The following NAALADL2 variants were observed in gnomAD, a reference collection of about 807,000 sequenced individuals.
NAALADL2 encodes N-acetylated alpha-linked acidic dipeptidase like 2, also known as inactive N-acetylated-alpha-linked acidic dipeptidase-like protein 2.
A neutral mutation model predicts 87.2 loss-of-function variants in NAALADL2; 76 were observed. That is an observed-to-expected ratio of 0.87 (90% CI 0.72 to 1.05). The LOEUF (loss-of-function observed/expected upper bound fraction) is 1.05, where lower values mean the gene tolerates loss of function less well. Among genes scored for constraint, NAALADL2 ranks in the 50% least tolerant of loss-of-function variants. The probability of loss-of-function intolerance (pLI) is 0.00; values close to 1 mark genes in which losing one functional copy is unlikely to be tolerated. For missense variants in NAALADL2, 1,089 were observed against 945.8 expected (o/e 1.15, Z -1.99); for synonymous variants, 354 against 331.0 (o/e 1.07, Z -0.75).
At chr3:175,315,221 G>A (rs866606039) in intron 4 of NAALADL2, among the ~76,000 whole-genome samples, 1 of 152,058 alleles carries the variant, frequency 6.6e-6, no homozygotes, top group Admixed American at 6.6e-5. Flanking sequence ...CCTGTATCAG[G>A]CACCTACCTT....
chr3:174,796,117 C>T (rs1241185566), intron 3 of NAALADL2, among the ~76,000 whole-genome samples: 15 of 151,932 alleles, frequency 9.9e-5, no homozygotes, highest in East Asian at 5.8e-4. Context: ...GAGACAGATA[C>T]GAGAGATGCC....
intron 2 of NAALADL2, among the ~76,000 whole-genome samples, chr3:174,697,855 G>C (rs1677353786): frequency 6.6e-6 from 1 of 152,112 alleles, no homozygotes. Context: ...ACTTTGGGAG[G>C]CCGAGGTGGG....
rs202022603 is a variant in NAALADL2, at chr3:175,338,622, AACACACACACACACACACAC to A, written c.1090+14319_1090+14338del. On this transcript the variant is annotated intron_variant, in intron 5 of 13. Transcript: ENST00000454872. ...AAAAAAAAAAAAAAAAAACACCACA[AACACACACACACACACACAC>A]ACACACACACACACACACACAAACA... Among the ~76,000 whole-genome samples, 773 of 88,452 alleles carry A rather than the reference AACACACACACACACACACAC, an allele frequency of 8.7e-3. 5 individuals carry two copies. Among genetic ancestry groups the A allele is most frequent in the African/African-American group, 0.032 (735 of 23,206 alleles). The allele number at this position is 88,452 out of a possible 152,430, so 58.0% of individuals were successfully genotyped here.
intron 13 of NAALADL2, among the ~76,000 whole-genome samples, chr3:175,761,000 G>A (rs1747934516): frequency 6.6e-6 from 1 of 152,134 alleles, no homozygotes. Flanking sequence ...TCTTGCAGTA[G>A]TGTGTTGGTA....
At chr3:175,716,306 A>G (rs914099665) in intron 11 of NAALADL2, among the ~76,000 whole-genome samples, 1 of 146,732 alleles carries the variant, frequency 6.8e-6, no homozygotes, top group Non-Finnish European at 1.5e-5. Context: ...TATAAGATAT[A>G]TTACATATAT....
At chr3:175,667,187 GAAA>G (rs1733166542) in intron 11 of NAALADL2, among the ~76,000 whole-genome samples, 1 of 69,566 alleles carries the variant, frequency 1.4e-5, no homozygotes, top group Non-Finnish European at 2.6e-5. Flanking sequence ...GAAAGAGAAA[GAAA>G]GAAAGAAAGA....
intron 1 of NAALADL2, among the ~76,000 whole-genome samples, chr3:174,978,127 T>G (rs1579827932): frequency 6.6e-6 from 1 of 152,196 alleles, no homozygotes; most frequent in African/African-American, 2.4e-5. Context: ...CACTGGCAGG[T>G]GGGGAGTCAA....
At chr3:174,704,382 C>T (rs1238526962) in intron 2 of NAALADL2, among the ~76,000 whole-genome samples, 1 of 152,026 alleles carries the variant, frequency 6.6e-6, no homozygotes, top group Non-Finnish European at 1.5e-5. Flanking sequence ...CAAATGTTCA[C>T]TCGAAGAAAG....
intron 10 of NAALADL2, among the ~76,000 whole-genome samples, chr3:175,619,471 GA>G (rs60441964): frequency 2.1e-4 from 30 of 143,422 alleles, no homozygotes; most frequent in East Asian, 8.3e-4. Context: ...AACATGGTGG[GA>G]AAAAAAAAAA....
intron 4 of NAALADL2, among the ~76,000 whole-genome samples, chr3:175,309,764 A>T (rs2110292084): frequency 6.6e-6 from 1 of 152,320 alleles, no homozygotes. Flanking sequence ...AGGAAAAAAT[A>T]ATTTGCATAT....
intron 1 of NAALADL2, among the ~76,000 whole-genome samples, chr3:175,016,298 TAATAA>T (rs1452180969): frequency 2.0e-5 from 3 of 149,010 alleles, no homozygotes; most frequent in Middle Eastern, 3.3e-3. Context: ...GCAATTTTAG[TAATAA>T]AATGTAGTAT....
intron 5 of NAALADL2, among the ~76,000 whole-genome samples, chr3:175,409,706 TA>T (rs534171286): frequency 0.026 from 4,007 of 152,012 alleles, 150 homozygotes; most frequent in African/African-American, 0.091. Context: ...TTTCAGTTAT[TA>T]AAAAAAGTAG....
chr3:175,503,423 T>C lies in NAALADL2; in HGVS notation c.1653+31665T>C, dbSNP rs568310967. Among the ~76,000 whole-genome samples, 3 of 152,236 alleles carry C rather than the reference T, an allele frequency of 2.0e-5. No individual in the cohort carries two copies. In the East Asian group the frequency reaches 5.8e-4, roughly 29 times the overall value. On this transcript the variant is annotated intron_variant, in intron 9 of 13. Coordinates refer to ENST00000454872, the MANE Select transcript of NAALADL2 (RefSeq NM_207015.3). The stretch of plus-strand genomic sequence containing the variant: ...ATTGTGTCTTTATGGTAGAACAACT[T>C]ATATTCATTTGTGTGTATACCCAAT...
intron 9 of NAALADL2, among the ~76,000 whole-genome samples, chr3:175,512,221 CACAGTGAG>C (rs1255351492): frequency 7.9e-5 from 12 of 152,090 alleles, no homozygotes. Flanking sequence ...TTGGGGGCAA[CACAGTGAG>C]ACAGTTTCAA....
intron 3 of NAALADL2, 29 bp from the exon 4 acceptor site, chr3:175,256,379 TTTA>T: frequency 6.3e-7 from 1 of 1,582,842 alleles, no homozygotes; most frequent in Non-Finnish European, 8.6e-7. Context: ...CCTCTGAGGC[TTTA>T]TTTTTCTTTG....
chr3:175,473,281 C>T (rs868395782), intron 9 of NAALADL2, among the ~76,000 whole-genome samples: 1 of 152,036 alleles, frequency 6.6e-6, no homozygotes, highest in Non-Finnish European at 1.5e-5. Context: ...CAAATGATGA[C>T]GTACATGTCA....
chr3:175,064,438 G>A (rs539958092), intron 1 of NAALADL2, among the ~76,000 whole-genome samples: 1 of 152,210 alleles, frequency 6.6e-6, no homozygotes, highest in South Asian at 2.1e-4. Context: ...GGCAATTTTA[G>A]GCAAAGTGCC....
intron 1 of NAALADL2, among the ~76,000 whole-genome samples, chr3:174,981,184 C>T (rs1200589475): frequency 6.6e-6 from 1 of 152,090 alleles, no homozygotes; most frequent in African/African-American, 2.4e-5. Context: ...TAAATTAATA[C>T]ATTATTATTT....
At chr3:174,906,294 G>A (rs1016899963) in intron 1 of NAALADL2, among the ~76,000 whole-genome samples, 10 of 152,036 alleles carry the variant, frequency 6.6e-5, no homozygotes, top group African/African-American at 2.4e-4. Context: ...ACTGTGGTAG[G>A]CAACCTCTAA....
Sources: allele counts gnomAD v4.1 joint callset (sites outside exome capture counted in the v4.1 genomes callset), GRCh38; gene constraint gnomAD v4.1.1; transcripts MANE v1.5; gene names NCBI Gene and HGNC (gene_info 2026-07-23, HGNC 2026-07-21).